HS6ST3: variants seen among roughly 807,000 people sequenced by gnomAD.
HS6ST3 encodes the protein heparan-sulfate 6-O-sulfotransferase 3.
A neutral mutation model predicts 36.7 loss-of-function variants in HS6ST3; 12 were observed. The ratio of observed to expected loss-of-function variants is 0.33; its 90% CI spans 0.21 to 0.53. The LOEUF (loss-of-function observed/expected upper bound fraction) is 0.53. Among genes scored for constraint, HS6ST3 ranks in the 20% least tolerant of loss-of-function variants. The pLI is 0.95. For missense variants in HS6ST3, 584 were observed against 640.9 expected, an observed-to-expected ratio of 0.91 and a Z score of 0.96; for synonymous variants, 240 against 257.5, an observed-to-expected ratio of 0.93 and a Z score of 0.65.
At chr13:96,715,274 AC>A (rs1412544367) in intron 1 of HS6ST3, among the ~76,000 whole-genome samples, 1 of 152,146 alleles carries the variant, frequency 6.6e-6, no homozygotes, top group Non-Finnish European at 1.5e-5. Context: ...AGAAAAAAAA[AC>A]ATTCAAATGA....
chr13:96,638,309 G>A (rs1346382533), intron 1 of HS6ST3, among the ~76,000 whole-genome samples: 1 of 151,980 alleles, frequency 6.6e-6, no homozygotes, highest in Admixed American at 6.6e-5. Context: ...TCTCAAATGA[G>A]GTAATATTTA....
At chr13:96,774,951 C>CAA (rs1439031636) in intron 1 of HS6ST3, among the ~76,000 whole-genome samples, 2 of 152,050 alleles carry the variant, frequency 1.3e-5, no homozygotes, top group Non-Finnish European at 2.9e-5. Flanking sequence ...GGTTACCCAC[C>CAA]AAGGGAAGCC....
intron 1 of HS6ST3, among the ~76,000 whole-genome samples, chr13:96,256,503 G>C (rs2054638300): frequency 6.6e-6 from 1 of 152,232 alleles, no homozygotes; most frequent in Non-Finnish European, 1.5e-5. Flanking sequence ...AGTTCTGGCT[G>C]TGTGGTAGGG....
At chr13:96,677,600 A>G (rs1307184781) in intron 1 of HS6ST3, among the ~76,000 whole-genome samples, 1 of 152,196 alleles carries the variant, frequency 6.6e-6, no homozygotes, top group Non-Finnish European at 1.5e-5. Flanking sequence ...GAAAAATTAA[A>G]GTGAAAGAAA....
intron 1 of HS6ST3, among the ~76,000 whole-genome samples, chr13:96,573,195 A>C (rs998676723): frequency 6.6e-6 from 1 of 152,208 alleles, no homozygotes; most frequent in African/African-American, 2.4e-5. Context: ...AGAATGTCTT[A>C]GAGTTCTTTT....
chr13:96,664,881 A>G (rs2056658350), intron 1 of HS6ST3, among the ~76,000 whole-genome samples: 1 of 152,146 alleles, frequency 6.6e-6, no homozygotes, highest in African/African-American at 2.4e-5. Context: ...TCATTAATAA[A>G]CAAAGGCAGG....
intron 1 of HS6ST3, among the ~76,000 whole-genome samples, chr13:96,414,489 CTTTT>C (rs1336544594): frequency 2.0e-5 from 3 of 151,880 alleles, no homozygotes; most frequent in Non-Finnish European, 4.4e-5. Flanking sequence ...TTCTTTCTTT[CTTTT>C]TTTTGTGTGA....
At chr13:96,353,819 G>A (rs1329417645) in intron 1 of HS6ST3, among the ~76,000 whole-genome samples, 2 of 152,032 alleles carry the variant, frequency 1.3e-5, no homozygotes, top group African/African-American at 4.8e-5. Context: ...AACATATAAA[G>A]GATTTATAAA....
chr13:96,255,934 G>T (rs781685275), intron 1 of HS6ST3, among the ~76,000 whole-genome samples: 1 of 152,122 alleles, frequency 6.6e-6, no homozygotes, highest in African/African-American at 2.4e-5. Context: ...AATAATTACC[G>T]TTTCCTTCAC....
chr13:96,803,181 G>A (rs1302349718), intron 1 of HS6ST3, among the ~76,000 whole-genome samples: 10 of 152,130 alleles, frequency 6.6e-5, no homozygotes, highest in Non-Finnish European at 1.5e-4. Context: ...ACAAGTGTTT[G>A]TTGATGCCAG....
intron 1 of HS6ST3, among the ~76,000 whole-genome samples, chr13:96,589,792 G>A (rs1428176121): frequency 1.3e-5 from 2 of 151,902 alleles, no homozygotes; most frequent in Non-Finnish European, 2.9e-5. Flanking sequence ...CATTCTTTCT[G>A]TATATTTTTT....
At chr13:96,672,147 A>G (rs966340589) in intron 1 of HS6ST3, among the ~76,000 whole-genome samples, 2 of 152,154 alleles carry the variant, frequency 1.3e-5, no homozygotes, top group African/African-American at 4.8e-5. Context: ...AGTATGGAAT[A>G]TGAAGATTTT....
intron 1 of HS6ST3, among the ~76,000 whole-genome samples, chr13:96,125,320 G>T (rs981564021): frequency 6.6e-6 from 1 of 152,122 alleles, no homozygotes; most frequent in Non-Finnish European, 1.5e-5. Context: ...AAAATGGAAT[G>T]AGTTAAATAA....
At chr13:96,339,237 A>C (rs2139425171) in intron 1 of HS6ST3, among the ~76,000 whole-genome samples, 1 of 152,322 alleles carries the variant, frequency 6.6e-6, no homozygotes, top group Admixed American at 6.5e-5. Flanking sequence ...AAACAGTATT[A>C]AGTTGGCAAA....
At chr13:96,143,427 ATATATAAATATATGTT>A (rs1250656454) in intron 1 of HS6ST3, among the ~76,000 whole-genome samples, 2 of 148,312 alleles carry the variant, frequency 1.3e-5, no homozygotes, top group African/African-American at 2.4e-5. Context: ...TCTTAAGCAA[ATATATAAATATATGTT>A]TATATAAATA....
At chr13:96,476,507 C>T (rs1335889412) in intron 1 of HS6ST3, among the ~76,000 whole-genome samples, 9 of 152,102 alleles carry the variant, frequency 5.9e-5, no homozygotes, top group East Asian at 1.9e-4. Context: ...GGACTATAGG[C>T]GCCCACCACC....
intron 1 of HS6ST3, among the ~76,000 whole-genome samples, chr13:96,765,341 G>A (rs1307399965): frequency 6.6e-6 from 1 of 151,868 alleles, no homozygotes. Flanking sequence ...CAAAGTGCTG[G>A]GATTACAGGC....
chr13:96,274,840 CA>C, intron 1 of HS6ST3, among the ~76,000 whole-genome samples: 1 of 3,222 alleles, frequency 3.1e-4, no homozygotes, highest in South Asian at 9.8e-3. Flanking sequence ...CTTAGTCCTT[CA>C]CACACACACA....
At chr13:96,765,341 G>T (rs1307399965) in intron 1 of HS6ST3, among the ~76,000 whole-genome samples, 1 of 151,868 alleles carries the variant, frequency 6.6e-6, no homozygotes, top group Non-Finnish European at 1.5e-5. Flanking sequence ...CAAAGTGCTG[G>T]GATTACAGGC....
Sources: gnomAD v4.1 joint callset for allele counts (sites outside exome capture counted in the v4.1 genomes callset) on GRCh38, gnomAD v4.1.1 for gene constraint, MANE v1.5 for transcripts, NCBI Gene and HGNC (gene_info 2026-07-23, HGNC 2026-07-21) for gene names.